Variants in DAB1 observed in about 807,000 individuals in gnomAD.
DAB1 encodes disabled homolog 1.
A neutral mutation model predicts 64.6 loss-of-function variants in DAB1; 15 were observed. That is an observed-to-expected ratio of 0.23 (90% CI 0.16 to 0.36). The LOEUF (loss-of-function observed/expected upper bound fraction) is 0.36, where lower values mean the gene tolerates loss of function less well. Ranked by LOEUF, DAB1 falls within the 10% of genes least tolerant of loss-of-function variation. The pLI, the probability that DAB1 is intolerant of heterozygous loss-of-function variation, is 1.00. For missense variants in DAB1, 596 were observed against 706.7 expected, an observed-to-expected ratio of 0.84 and a Z score of 1.78; for synonymous variants, 235 against 251.9, an observed-to-expected ratio of 0.93 and a Z score of 0.64.
At chr1:57,715,614 T>C (rs1400905527) in intron 6 of DAB1, among the ~76,000 whole-genome samples, 1 of 152,128 alleles carries the variant, frequency 6.6e-6, no homozygotes, top group Non-Finnish European at 1.5e-5. Context: ...AATCAACATA[T>C]AATATTGGTA....
chr1:57,239,241 C>T (rs1464143165), intron 2 of DAB1, among the ~76,000 whole-genome samples: 1 of 152,178 alleles, frequency 6.6e-6, no homozygotes, highest in Non-Finnish European at 1.5e-5. Flanking sequence ...TGTCCTGTCT[C>T]GTCCATCTAA....
At chr1:58,013,296 C>T (rs1053857058) in intron 5 of DAB1, among the ~76,000 whole-genome samples, 11 of 152,082 alleles carry the variant, frequency 7.2e-5, no homozygotes, top group African/African-American at 2.7e-4. Context: ...ATGAGAACTC[C>T]CAAGTGGTGT....
intron 7 of DAB1, among the ~76,000 whole-genome samples, chr1:57,555,671 G>A (rs1395143479): frequency 6.6e-6 from 1 of 152,124 alleles, no homozygotes; most frequent in Non-Finnish European, 1.5e-5. Flanking sequence ...ACAGACAAAA[G>A]CATTGGGACT....
chr1:58,164,961 T>C (rs1379517658), intron 4 of DAB1, among the ~76,000 whole-genome samples: 4 of 152,222 alleles, frequency 2.6e-5, no homozygotes, highest in Non-Finnish European at 4.4e-5. Context: ...TTAGCAATAT[T>C]TTAAAATTAG....
At chr1:58,248,818 C>G (rs1660671958) in intron 4 of DAB1, among the ~76,000 whole-genome samples, 1 of 152,166 alleles carries the variant, frequency 6.6e-6, no homozygotes, top group South Asian at 2.1e-4. Flanking sequence ...CCCCACTCTG[C>G]AGCAGAACTT....
intron 7 of DAB1, among the ~76,000 whole-genome samples, chr1:57,515,855 G>A (rs1056926978): frequency 6.6e-6 from 1 of 152,152 alleles, no homozygotes; most frequent in African/African-American, 2.4e-5. Context: ...AAAATGATGG[G>A]CTGGGTTTTT....
chr1:58,117,876 T>C (rs1272491851), intron 5 of DAB1, among the ~76,000 whole-genome samples: 1 of 151,738 alleles, frequency 6.6e-6, no homozygotes, highest in Non-Finnish European at 1.5e-5. Flanking sequence ...ATATTTTTTT[T>C]CTGGGCCAGG....
intron 6 of DAB1, among the ~76,000 whole-genome samples, chr1:57,696,101 GTTCACGTAT>G (rs1646842351): frequency 6.6e-6 from 1 of 152,028 alleles, no homozygotes; most frequent in African/African-American, 2.4e-5. Context: ...TCCTTCTTCT[GTTCACGTAT>G]TTCACAGGCT....
intron 1 of DAB1, among the ~76,000 whole-genome samples, chr1:58,536,260 G>A (rs1177652059): frequency 6.6e-6 from 1 of 152,114 alleles, no homozygotes; most frequent in Non-Finnish European, 1.5e-5. Context: ...GATAATCAAG[G>A]AAGGTTTTCC....
intron 4 of DAB1, among the ~76,000 whole-genome samples, chr1:58,318,682 C>T (rs1441129813): frequency 6.6e-6 from 1 of 152,190 alleles, no homozygotes; most frequent in Non-Finnish European, 1.5e-5. Flanking sequence ...TAAGCCAGTA[C>T]TCTTTCCACC....
chr1:57,480,031 A>G (rs1558419961), intron 7 of DAB1, among the ~76,000 whole-genome samples: 1 of 151,624 alleles, frequency 6.6e-6, no homozygotes, highest in Non-Finnish European at 1.5e-5. Flanking sequence ...GCGCGCCTGT[A>G]GTCCCAGCTA....
intron 1 of DAB1, among the ~76,000 whole-genome samples, chr1:57,305,317 C>T (rs372714169): frequency 4.6e-5 from 7 of 152,290 alleles, no homozygotes; most frequent in African/African-American, 1.4e-4. Context: ...GGCCAGCTAG[C>T]AGGGAGAAAG....
At chr1:57,627,428 C>T (rs964579244) in intron 7 of DAB1, among the ~76,000 whole-genome samples, 1 of 152,134 alleles carries the variant, frequency 6.6e-6, no homozygotes, top group African/African-American at 2.4e-5. Flanking sequence ...TCTCTCAAGC[C>T]GTTGTAGATA....
At chr1:57,427,354 C>G (rs866025648), upstream of DAB1, among the ~76,000 whole-genome samples, 65 of 152,172 alleles carry the variant, frequency 4.3e-4, no homozygotes, top group Admixed American at 1.1e-3. Flanking sequence ...CTTTGAGGAT[C>G]TTGGAGTCAA....
intron 1 of DAB1, among the ~76,000 whole-genome samples, chr1:57,373,589 A>G (rs1356657335): frequency 6.6e-6 from 1 of 152,174 alleles, no homozygotes; most frequent in African/African-American, 2.4e-5. Context: ...TCTCATCTCT[A>G]TAAGTTTATC....
At chr1:58,297,452 C>T (rs1025208917) in intron 4 of DAB1, among the ~76,000 whole-genome samples, 1 of 152,142 alleles carries the variant, frequency 6.6e-6, no homozygotes, top group African/African-American at 2.4e-5. Flanking sequence ...TCTCATTCAT[C>T]TCAGAACTCA....
chr1:58,086,839 C>T (rs1364750296), intron 5 of DAB1, among the ~76,000 whole-genome samples: 2 of 151,994 alleles, frequency 1.3e-5, no homozygotes, highest in Non-Finnish European at 2.9e-5. Flanking sequence ...AATAAGATGT[C>T]TTTTCCTTTC....
At chr1:57,299,304 A>G (rs548803602) in intron 1 of DAB1, among the ~76,000 whole-genome samples, 1 of 152,360 alleles carries the variant, frequency 6.6e-6, no homozygotes, top group African/African-American at 2.4e-5. Context: ...ATAATAGAAT[A>G]ATCTTATAGA....
intron 3 of DAB1, among the ~76,000 whole-genome samples, chr1:58,419,585 C>T (rs706418): frequency 6.6e-6 from 1 of 152,130 alleles, no homozygotes; most frequent in East Asian, 1.9e-4. Context: ...TCTCACATCT[C>T]TCTCTGCTCC....
Sources: allele counts gnomAD v4.1 joint callset (sites outside exome capture counted in the v4.1 genomes callset), GRCh38; gene constraint gnomAD v4.1.1; transcripts MANE v1.5; gene names NCBI Gene and HGNC (gene_info 2026-07-23, HGNC 2026-07-21).